Variants in EPB41 observed in about 807,000 individuals in gnomAD.
The protein encoded by EPB41 is protein 4.1.
Under a neutral mutation model 108.0 loss-of-function variants are expected in EPB41, and 65 were observed. That is an observed-to-expected ratio of 0.60 (90% CI 0.49 to 0.74). EPB41 has a LOEUF of 0.74. Ranked by LOEUF, EPB41 falls within the 30% of genes least tolerant of loss-of-function variation. The pLI, the probability that EPB41 is intolerant of heterozygous loss-of-function variation, is 0.00. For synonymous variants in EPB41, 336 were observed against 358.9 expected (o/e 0.94, Z 0.72); for missense variants, 875 against 1,037.0 (o/e 0.84, Z 2.15).
intron 7 of EPB41, among the ~76,000 whole-genome samples, chr1:29,020,417 T>C (rs1219169501): frequency 6.6e-6 from 1 of 152,110 alleles, no homozygotes; most frequent in Non-Finnish European, 1.5e-5. Context: ...TAAAAATATA[T>C]GCATATATAC....
intron 1 of EPB41, among the ~76,000 whole-genome samples, chr1:28,934,326 G>A (rs952280296): frequency 1.3e-5 from 2 of 152,126 alleles, no homozygotes; most frequent in African/African-American, 4.8e-5. Flanking sequence ...TCTTAAGGTA[G>A]TTTATCAGGT....
chr1:28,901,208 C>T (rs1269929280), intron 1 of EPB41, among the ~76,000 whole-genome samples: 34 of 149,536 alleles, frequency 2.3e-4, no homozygotes, highest in African/African-American at 7.8e-4. Context: ...GGATTACAGG[C>T]GTGAGCCACT....
At chr1:29,086,900 T>C (rs1659178144) in intron 16 of EPB41, among the ~76,000 whole-genome samples, 1 of 151,516 alleles carries the variant, frequency 6.6e-6, no homozygotes, top group Non-Finnish European at 1.5e-5. Flanking sequence ...CACTTTGATC[T>C]CTTAAAGGAT....
chr1:28,937,458 G>T (rs181815758), intron 1 of EPB41, among the ~76,000 whole-genome samples: 6 of 152,042 alleles, frequency 3.9e-5, no homozygotes, highest in Admixed American at 2.0e-4. Context: ...GCAATGGCGC[G>T]ATCTAGGCTT....
At chr1:28,935,464 CACA>C (rs2093965310) in intron 1 of EPB41, among the ~76,000 whole-genome samples, 13 of 55,402 alleles carry the variant, frequency 2.3e-4, no homozygotes, top group Admixed American at 1.6e-4. Flanking sequence ...CACACACACA[CACA>C]CCCCCCCCCC....
chr1:28,968,096 C>A (rs549773251), intron 1 of EPB41, among the ~76,000 whole-genome samples: 1 of 152,102 alleles, frequency 6.6e-6, no homozygotes, highest in Non-Finnish European at 1.5e-5. Flanking sequence ...CGGTGGCTCA[C>A]GCCTGTAATC....
chr1:29,087,630 G>A (rs1659613726), intron 16 of EPB41, among the ~76,000 whole-genome samples: 1 of 152,036 alleles, frequency 6.6e-6, no homozygotes, highest in Admixed American at 6.5e-5. Flanking sequence ...CAAAGTGCTG[G>A]GATTGTAGGC....
chr1:28,942,978 AT>A (rs1266120905), intron 1 of EPB41, among the ~76,000 whole-genome samples: 2 of 152,132 alleles, frequency 1.3e-5, no homozygotes, highest in Non-Finnish European at 2.9e-5. Context: ...AGCTTTGTGG[AT>A]TTCATTCCTC....
intron 1 of EPB41, chr1:28,985,627 G>A (rs2095855089): frequency 6.6e-6 from 1 of 152,192 alleles, no homozygotes; most frequent in Admixed American, 6.5e-5. Context: ...CAGCAAGTGT[G>A]AAGGGCCTGA....
chr1:28,983,336 C>CT (rs1404309164), intron 1 of EPB41, among the ~76,000 whole-genome samples: 3 of 152,272 alleles, frequency 2.0e-5, no homozygotes, highest in African/African-American at 7.2e-5. Flanking sequence ...CTAAAAGCAG[C>CT]TTTTTATAGT....
At chr1:29,057,658 T>C (rs940882597) in intron 12 of EPB41, among the ~76,000 whole-genome samples, 6 of 152,174 alleles carry the variant, frequency 3.9e-5, no homozygotes. Context: ...TTAGTAAAAA[T>C]AATCAATTTT....
intron 7 of EPB41, among the ~76,000 whole-genome samples, chr1:29,022,736 A>C (rs868014055): frequency 6.6e-6 from 1 of 151,986 alleles, no homozygotes; most frequent in African/African-American, 2.4e-5. Context: ...AAAAAGAAAA[A>C]AGAGTGTTTT....
At position 29,029,069 on chromosome 1, in the gene EPB41, A is replaced by C. The variant is rs530927153; in HGVS notation, c.1125-1331A>C. Among the ~76,000 whole-genome samples, 286 of 152,038 alleles carry C rather than the reference A, an allele frequency of 1.9e-3. 1 individual carries two copies. The highest frequency in any genetic ancestry group is 6.6e-3 in the African/African-American group (273 of 41,522). On this transcript the variant is annotated intron_variant, in intron 7 of 20. Transcript: ENST00000343067. Reference sequence around the variant, plus strand: ...AAAAAAAAAAAAAATTCTAAAATTCATCTCGTCAATAACAGTAACAACAAC... The same window carrying C: ...AAAAAAAAAAAAAATTCTAAAATTCCTCTCGTCAATAACAGTAACAACAAC...
chr1:29,075,540 G>A (rs1178791443), intron 16 of EPB41, among the ~76,000 whole-genome samples: 1 of 152,098 alleles, frequency 6.6e-6, no homozygotes, highest in African/African-American at 2.4e-5. Flanking sequence ...ATCCTGTTTT[G>A]GGTAAATGAT....
At chr1:28,977,523 C>T (rs1423781061) in intron 1 of EPB41, among the ~76,000 whole-genome samples, 4 of 151,496 alleles carry the variant, frequency 2.6e-5, no homozygotes, top group Admixed American at 6.6e-5. Flanking sequence ...TGAGATGGAA[C>T]GGTAACTCGT....
At chr1:28,895,702 G>T (rs2090593054) in intron 1 of EPB41, among the ~76,000 whole-genome samples, 1 of 152,102 alleles carries the variant, frequency 6.6e-6, no homozygotes, top group South Asian at 2.1e-4. Flanking sequence ...TTGTCAGGCT[G>T]GTCTCGAACT....
chr1:29,004,662 A>T (rs894520225), intron 4 of EPB41, among the ~76,000 whole-genome samples: 6 of 152,128 alleles, frequency 3.9e-5, no homozygotes, highest in Admixed American at 3.9e-4. Context: ...TGCTACAGAG[A>T]TTTGGGTCAA....
chr1:29,062,847 T>C (rs1235362518), intron 15 of EPB41, among the ~76,000 whole-genome samples: 2 of 152,200 alleles, frequency 1.3e-5, no homozygotes. Context: ...AATTTTACTC[T>C]GTGCCCCCAC....
intron 17 of EPB41, among the ~76,000 whole-genome samples, chr1:29,103,487 C>G (rs1666133835): frequency 6.6e-6 from 1 of 152,076 alleles, no homozygotes; most frequent in Non-Finnish European, 1.5e-5. Context: ...CCTTAGTTTT[C>G]TCTTCTGAAA....
Sources: allele counts gnomAD v4.1 joint callset (sites outside exome capture counted in the v4.1 genomes callset), GRCh38; gene constraint gnomAD v4.1.1; transcripts MANE v1.5; gene names NCBI Gene and HGNC (gene_info 2026-07-23, HGNC 2026-07-21).